CAPZB: variants seen among roughly 807,000 people sequenced by gnomAD.
CAPZB encodes the protein F-actin-capping protein subunit beta.
In CAPZB, 2 loss-of-function variants were observed where a neutral mutation model predicts 38.1. That is an observed-to-expected ratio of 0.05 (90% CI 0.02 to 0.17). The LOEUF is 0.17. CAPZB is among the 10% of genes least tolerant of loss of function. CAPZB has a pLI of 1.00. For synonymous variants in CAPZB, 107 were observed against 127.4 expected (o/e 0.84, Z 1.08); for missense variants, 161 against 334.2 (o/e 0.48, Z 4.04).
intron 1 of CAPZB, among the ~76,000 whole-genome samples, chr1:19,458,229 A>C (rs2094539382): frequency 6.6e-6 from 1 of 152,206 alleles, no homozygotes; most frequent in Non-Finnish European, 1.5e-5. Flanking sequence ...TCTGACCTAC[A>C]CAAGTGGCAC....
chr1:19,416,817 C>T (rs951656592), intron 2 of CAPZB, among the ~76,000 whole-genome samples: 2 of 138,626 alleles, frequency 1.4e-5, no homozygotes, highest in Admixed American at 7.9e-5. Flanking sequence ...GCTTTGATTG[C>T]ACCACTACAC....
chr1:19,399,144 C>T (rs564411327), intron 2 of CAPZB, among the ~76,000 whole-genome samples: 4 of 152,220 alleles, frequency 2.6e-5, no homozygotes, highest in East Asian at 1.9e-4. Flanking sequence ...AGGCATGAGC[C>T]ACCATGCCCA....
At chr1:19,411,242 A>T (rs1384596695) in intron 2 of CAPZB, among the ~76,000 whole-genome samples, 1 of 152,220 alleles carries the variant, frequency 6.6e-6, no homozygotes, top group Non-Finnish European at 1.5e-5. Context: ...ATTTTTTTCC[A>T]TGTAATTGAA....
intron 1 of CAPZB, among the ~76,000 whole-genome samples, chr1:19,447,270 A>ATTT (rs750599265): frequency 3.6e-5 from 3 of 82,214 alleles, no homozygotes; most frequent in Admixed American, 1.5e-4. Flanking sequence ...ACCAGACCTA[A>ATTT]TCTTTTTTTT....
intron 1 of CAPZB, among the ~76,000 whole-genome samples, chr1:19,455,350 TTTC>T (rs1355544981): frequency 2.0e-5 from 3 of 152,260 alleles, no homozygotes; most frequent in Non-Finnish European, 2.9e-5. Flanking sequence ...TCCATTTTTA[TTTC>T]TTAACTCAAA....
chr1:19,444,013 C>A (rs2094487828), intron 1 of CAPZB, among the ~76,000 whole-genome samples: 1 of 152,150 alleles, frequency 6.6e-6, no homozygotes, highest in Admixed American at 6.5e-5. Flanking sequence ...CAAAAATTAG[C>A]CGGGCGTGGC....
chr1:19,342,648 G>A (rs1402494368), intron 8 of CAPZB: 2 of 721,974 alleles, frequency 2.8e-6, no homozygotes, highest in African/African-American at 3.5e-5. Flanking sequence ...GGGGGTTAGT[G>A]GTGGTTTAAA....
At chr1:19,475,074 C>T (rs957662127) in intron 1 of CAPZB, among the ~76,000 whole-genome samples, 5 of 152,110 alleles carry the variant, frequency 3.3e-5, no homozygotes, top group Admixed American at 2.0e-4. Context: ...AAGACCCTTC[C>T]GGCTCTAATA....
chr1:19,484,331 G>A (rs1437150027), intron 1 of CAPZB: 8 of 1,580,922 alleles, frequency 5.1e-6, no homozygotes, highest in Non-Finnish European at 6.0e-6. Flanking sequence ...CCAAGGCCAC[G>A]GCCTCACAAG....
At chr1:19,426,862 T>C (rs1182949637) in intron 1 of CAPZB, among the ~76,000 whole-genome samples, 1 of 152,184 alleles carries the variant, frequency 6.6e-6, no homozygotes, top group Non-Finnish European at 1.5e-5. Context: ...CAACAGTAAA[T>C]GACACAGAAG....
chr1:19,463,180 T>C (rs1381576017), intron 1 of CAPZB, among the ~76,000 whole-genome samples: 2 of 152,164 alleles, frequency 1.3e-5, no homozygotes, highest in African/African-American at 2.4e-5. Flanking sequence ...AAAGTTCAAA[T>C]AGAGTATTAT....
intron 1 of CAPZB, among the ~76,000 whole-genome samples, chr1:19,469,781 CACA>C (rs2094580723): frequency 6.6e-6 from 1 of 151,438 alleles, no homozygotes; most frequent in African/African-American, 2.4e-5. Flanking sequence ...CACACACACA[CACA>C]CGCCCGCCCA....
Position 19,345,681 on chromosome 1 carries a change from C to G in CAPZB, c.589-429G>C, listed in dbSNP as rs1249278402. Among the ~76,000 whole-genome samples the G allele has an allele frequency of 3.3e-5, 5 of 152,284 alleles. No individual in the cohort carries two copies. In the East Asian group the frequency reaches 7.7e-4, roughly 23 times the overall value. On this transcript the variant is annotated intron_variant, in intron 6 of 8. Transcript: ENST00000264202. ...TGACACTGCAGGGGAAGCTTCTGTG[C>G]TGCTGCTGCGCCCTGGCGCTCCCAA...
intron 2 of CAPZB, among the ~76,000 whole-genome samples, chr1:19,400,721 G>A (rs998676320): frequency 1.3e-5 from 2 of 152,168 alleles, no homozygotes; most frequent in Middle Eastern, 3.2e-3. Context: ...AACAACAGGA[G>A]TCCATAAGGT....
intron 2 of CAPZB, 54 bp downstream of exon 2, chr1:19,419,607 G>C: frequency 9.7e-7 from 1 of 1,033,192 alleles, no homozygotes; most frequent in South Asian, 1.4e-5. Context: ...CTACACAAAA[G>C]CAACTAACTC....
rs111924547 is a variant in CAPZB, at chr1:19,340,211, C to T, written c.732-594G>A. ...GAGTGGGTAAGAACCAGTGTCTCTG[C>T]GTGTCTGAGCACACTGTGTTTATGG... On this transcript the variant is annotated intron_variant, in intron 8 of 8. Transcript: ENST00000264202. Among the ~76,000 whole-genome samples, 51 of 152,356 alleles carry T rather than the reference C, an allele frequency of 3.3e-4. 1 individual carries two copies. The highest frequency in any genetic ancestry group is 2.5e-3 in the East Asian group (13 of 5,186).
At chr1:19,480,824 C>T (rs1558300517) in intron 1 of CAPZB, among the ~76,000 whole-genome samples, 1 of 152,192 alleles carries the variant, frequency 6.6e-6, no homozygotes, top group South Asian at 2.1e-4. Flanking sequence ...CAGAGCCAGA[C>T]AAACTCCAAA....
chr1:19,406,867 T>C (rs2094335046), intron 2 of CAPZB, among the ~76,000 whole-genome samples: 2 of 152,166 alleles, frequency 1.3e-5, no homozygotes. Flanking sequence ...ACAAGCCAGG[T>C]ACTATGCTAG....
At chr1:19,407,714 T>C (rs2094338804) in intron 2 of CAPZB, among the ~76,000 whole-genome samples, 1 of 152,166 alleles carries the variant, frequency 6.6e-6, no homozygotes. Context: ...CCTGCCGCCT[T>C]AGACCATCCA....
Sources: gnomAD v4.1 joint callset for allele counts (sites outside exome capture counted in the v4.1 genomes callset) on GRCh38, gnomAD v4.1.1 for gene constraint, MANE v1.5 for transcripts, NCBI Gene and HGNC (gene_info 2026-07-23, HGNC 2026-07-21) for gene names.